The following FAM186A variants were observed in gnomAD, a reference collection of about 807,000 sequenced individuals.
The protein encoded by FAM186A is protein FAM186A.
A neutral mutation model predicts 216.8 loss-of-function variants in FAM186A; 163 were observed. The observed-to-expected ratio is 0.75, with a 90% CI of 0.66 to 0.86. The LOEUF is 0.86. Among genes scored for constraint, FAM186A ranks in the 40% least tolerant of loss-of-function variants. The pLI, the probability that FAM186A is intolerant of heterozygous loss-of-function variation, is 0.00. For synonymous variants in FAM186A, 805 were observed against 1,025.3 expected, an observed-to-expected ratio of 0.79 and a Z score of 4.10; for missense variants, 2,184 against 2,746.2, an observed-to-expected ratio of 0.80 and a Z score of 4.58.
intron 1 of FAM186A, among the ~76,000 whole-genome samples, chr12:50,394,518 C>T (rs973088009): frequency 6.6e-6 from 1 of 151,712 alleles, no homozygotes; most frequent in Non-Finnish European, 1.5e-5. Flanking sequence ...CGCGCCACTG[C>T]ACTCAGCCTG....
rs1177458664 is a variant in FAM186A, at chr12:50,330,624, T to C, written c.6983A>G (p.Gln2328Arg). Residue 2328 changes from glutamine (Q) to arginine (R), a missense_variant, in exon 7 of 8, where the codon CAG becomes CGG. Around this residue, in one of 7 missense-constraint regions of FAM186A, gnomAD observed 721 missense variants for 816.4 expected, o/e 0.88. Transcript: ENST00000327337. ...TCGGAAGGTAGACTGCACTTCTAAC[T>C]GAAGCAGCCTGGGAATATCTGGGTA... ...GGYPDIPRLL[Q>R]LEVQSTFRKS... The C allele has an allele frequency of 1.9e-6, 3 of 1,550,828 alleles. No homozygotes were observed. The highest frequency in any genetic ancestry group is 3.3e-4 in the Middle Eastern group (2 of 5,992).
At position 50,351,703 on chromosome 12, in the gene FAM186A, C is replaced by T; in HGVS notation, c.5129G>A (p.Trp1710Ter). The T allele has an allele frequency of 2.6e-6, 4 of 1,551,570 alleles. No homozygotes were observed. The highest frequency in any genetic ancestry group is 1.4e-5 in the African/African-American group (1 of 73,152). ...CGATTTCTGAAATGGTCTATGGGAC[C>T]ACTGGACTTGCTTAAGGGTGAGGGG... ...GSPLTLKQVQ[W>*]SHRPFQKSKA... is the part of the protein sequence containing the mutation. The change falls in exon 4 of 8, where the codon TGG becomes TAG. Residue 1710 changes from tryptophan to a stop codon, truncating the protein, a stop_gained. Transcript: ENST00000327337. LOFTEE classifies it high-confidence loss of function.
At chr12:50,331,029 C>T (rs1230737379) in intron 6 of FAM186A, among the ~76,000 whole-genome samples, 1 of 151,924 alleles carries the variant, frequency 6.6e-6, no homozygotes, top group Admixed American at 6.6e-5. Context: ...ACATAACTTG[C>T]CCCCTTCCTT....
chr12:50,348,457 A>G (rs1372226904), intron 4 of FAM186A, among the ~76,000 whole-genome samples: 1 of 151,822 alleles, frequency 6.6e-6, no homozygotes, highest in East Asian at 1.9e-4. Context: ...TCCTGACCTC[A>G]AGTAACCCAC....
intron 1 of FAM186A, among the ~76,000 whole-genome samples, chr12:50,372,210 CTT>C (rs1943147855): frequency 1.3e-5 from 2 of 152,096 alleles, no homozygotes; most frequent in Non-Finnish European, 2.9e-5. Flanking sequence ...GCAAATCTAA[CTT>C]AAGTCAAGAA....
chr12:50,394,579 A>G (rs531130183), intron 1 of FAM186A, among the ~76,000 whole-genome samples: 59 of 151,540 alleles, frequency 3.9e-4, no homozygotes, highest in African/African-American at 9.9e-4. Flanking sequence ...TTATCTATCT[A>G]TCTATCTACC....
At chr12:50,339,810 T>A (rs1175891146) in intron 4 of FAM186A, among the ~76,000 whole-genome samples, 1 of 151,448 alleles carries the variant, frequency 6.6e-6, no homozygotes, top group Non-Finnish European at 1.5e-5. Flanking sequence ...TTCTTTACTC[T>A]GCTACACTCT....
chr12:50,391,211 A>G (rs977666633), intron 1 of FAM186A, among the ~76,000 whole-genome samples: 2 of 146,636 alleles, frequency 1.4e-5, no homozygotes, highest in African/African-American at 5.1e-5. Flanking sequence ...CTGGTCTTAA[A>G]CTCCTGACCT....
In FAM186A at chr12:50,368,965, TAA is replaced by T. The variant is rs754206682; in HGVS notation, c.193-5603_193-5602del. ...ATCCAATGAGGAAAGGACAGTCTTT[TAA>T]AAAAAAAAAAAACACACACAAATGT... is the stretch of plus-strand genomic sequence containing the variant. On this transcript the variant is annotated intron_variant, in intron 1 of 7. Transcript: ENST00000327337. Among the ~76,000 whole-genome samples, 8 of 135,238 alleles carry T rather than the reference TAA, an allele frequency of 5.9e-5. No homozygotes were observed. In the East Asian group the frequency reaches 1.4e-3, roughly 24 times the overall value. The allele number at this position is 135,238 out of a possible 152,430, so 88.7% of individuals were successfully genotyped here.
At position 50,351,291 on chromosome 12, in the gene FAM186A, T is replaced by C. The variant is rs1942876200; in HGVS notation, c.5541A>G (p.Gly1847=). ...GAGGAGCCCAGAGACTTGGAATCTGTCCAGAAGTGGGTGGAACTCCAGCTA... is the reference window on the plus strand; with the variant it reads ...GAGGAGCCCAGAGACTTGGAATCTGCCCAGAAGTGGGTGGAACTCCAGCTA... ...PFIAGVPPTS[G]QIPSLWAPLS... The change falls in exon 4 of 8, where the codon GGA becomes GGG. Residue 1847 remains glycine (G), a synonymous_variant. Coordinates refer to ENST00000327337, the MANE Select transcript of FAM186A (RefSeq NM_001145475.3). 6.5e-7 allele frequency: 1 copy of C among 1,539,988 alleles called. No homozygotes were observed. The highest frequency in any genetic ancestry group is 1.4e-5 in the African/African-American group (1 of 72,122).
chr12:50,382,773 A>G (rs555709632), intron 1 of FAM186A, among the ~76,000 whole-genome samples: 7 of 152,172 alleles, frequency 4.6e-5, no homozygotes, highest in Non-Finnish European at 1.0e-4. Flanking sequence ...AGGGTTTCCA[A>G]GTAATTTTTA....
Position 50,383,278 on chromosome 12 carries a change from A to AAAAAGAGAG in FAM186A, c.192+13014_192+13015insCTCTCTTTT, listed in dbSNP as rs1555218962. ...AAAAAAAAAAAAAAAAAAAAAAAAA[A>AAAAAGAGAG]AGAGAGAGAGAGAGAGAAAGAAAAG... On this transcript the variant is annotated intron_variant, in intron 1 of 7. Transcript: ENST00000327337. Among the ~76,000 whole-genome samples, 19 of 49,252 alleles carry AAAAAGAGAG rather than the reference A, an allele frequency of 3.9e-4. 3 individuals carry two copies. Among genetic ancestry groups the AAAAAGAGAG allele is most frequent in the Non-Finnish European group, 7.9e-4 (18 of 22,816 alleles). The allele number at this position is 49,252 out of a possible 152,430, so 32.3% of individuals were successfully genotyped here. A position where few individuals can be genotyped will look rare whatever the true frequency, so the allele number is the denominator to read the frequency against.
At chr12:50,374,848 C>T (rs1275529910) in intron 1 of FAM186A, among the ~76,000 whole-genome samples, 1 of 152,036 alleles carries the variant, frequency 6.6e-6, no homozygotes, top group Non-Finnish European at 1.5e-5. Context: ...TTTCTATTTA[C>T]AACAAAAAGT....
Position 50,355,977 on chromosome 12 carries a change from T to C in FAM186A, c.855A>G (p.Gln285=). The C allele has an allele frequency of 6.4e-7, 1 of 1,551,608 alleles. No individual in the cohort carries two copies. The highest frequency in any genetic ancestry group is 8.7e-7 in the Non-Finnish European group (1 of 1,146,976). ...TCTCATGTGCATACACAGTGGAACTTTGGAAGTTAACACATTTTAATTCAT... is the reference window on the plus strand; with the variant it reads ...TCTCATGTGCATACACAGTGGAACTCTGGAAGTTAACACATTTTAATTCAT... ...LNDELKCVNF[Q]SSTVYAHETS... Residue 285 remains glutamine, a synonymous_variant, in exon 4 of 8, where the codon CAA becomes CAG. Coordinates refer to ENST00000327337, the MANE Select transcript of FAM186A (RefSeq NM_001145475.3).
At chr12:50,380,521 C>CAAAAAAAAAA (rs60955395) in intron 1 of FAM186A, among the ~76,000 whole-genome samples, 6 of 76,388 alleles carry the variant, frequency 7.9e-5, no homozygotes, top group South Asian at 4.6e-4. Flanking sequence ...ACTAAAAATA[C>CAAAAAAAAAA]AAAAAAAAAA....
At position 50,355,733 on chromosome 12, in the gene FAM186A, C is replaced by A. The variant is rs1362220601; in HGVS notation, c.1099G>T (p.Val367Phe). The change falls in exon 4 of 8, where the codon GTT becomes TTT. Residue 367 changes from valine to phenylalanine, a missense_variant. Val to Phe is a conservative substitution (Grantham distance 50). This residue lies in a region of FAM186A where 1,132 missense variants were observed against 1,263.4 expected (regional missense o/e 0.90). Transcript: ENST00000327337. Reference sequence around the variant, plus strand: ...TCCATATTGTCCTCAGTATCACCAACTTTGATTATCGCCCTGGATGACTGT... The same window carrying A: ...TCCATATTGTCCTCAGTATCACCAAATTTGATTATCGCCCTGGATGACTGT... ...SPQSSRAIIKVGDTEDNMDNI... is the reference protein window; with the variant it reads ...SPQSSRAIIKFGDTEDNMDNI... 1.9e-6 allele frequency: 3 copies of A among 1,551,546 alleles called. No homozygotes were observed. Among genetic ancestry groups the A allele is most frequent in the Admixed American group, 3.9e-5 (2 of 50,960 alleles).
rs60410681 is a variant in FAM186A, at chr12:50,367,865, T to C, written c.193-4501A>G. Among the ~76,000 whole-genome samples, 1,349 of 152,148 alleles carry C rather than the reference T, an allele frequency of 8.9e-3. 21 individuals are homozygous for C. The highest frequency in any genetic ancestry group is 0.031 in the African/African-American group (1,276 of 41,510). ...TAATAGCATCAAAAATAATAATATA[T>C]TTAGAAATCGCAGCTCATGCCTGTA... On this transcript the variant is annotated intron_variant, in intron 1 of 7. Transcript: ENST00000327337.
chr12:50,396,353 T>C lies in FAM186A; in HGVS notation c.132A>G (p.Pro44=). ...TAGAGATGATATCCTTTACTGAGAA[T>C]GGGATCTCAAGGTTAGGGAGCATCA... The part of the protein sequence containing the change: ...SPLMLPNLEI[P]FSVKDIISRI... Residue 44 remains proline (P), a synonymous_variant, in exon 1 of 8, where the codon CCA becomes CCG. Coordinates refer to ENST00000327337, the MANE Select transcript of FAM186A (RefSeq NM_001145475.3). The C allele has an allele frequency of 5.2e-6, 8 of 1,551,632 alleles. No homozygotes were observed. Among genetic ancestry groups the C allele is most frequent in the Non-Finnish European group, 7.0e-6 (8 of 1,146,978 alleles).
intron 1 of FAM186A, among the ~76,000 whole-genome samples, chr12:50,369,496 C>CAAAAAAA (rs35493660): frequency 8.7e-6 from 1 of 114,394 alleles, no homozygotes; most frequent in Non-Finnish European, 1.7e-5. Context: ...GACTCCGTCT[C>CAAAAAAA]AAAAAAAAAA....
Sources: gnomAD v4.1 joint callset for allele counts (sites outside exome capture counted in the v4.1 genomes callset) on GRCh38, gnomAD v4.1.1 for gene constraint, gnomAD v4.1.1 regional missense constraint, MANE v1.5 for transcripts, NCBI Gene and HGNC (gene_info 2026-07-23, HGNC 2026-07-21) for gene names.